Variants in MCC observed in about 807,000 individuals in gnomAD.
The protein encoded by MCC is MCC regulator of Wnt signaling pathway.
A neutral mutation model predicts 116.2 loss-of-function variants in MCC; 90 were observed. That is an observed-to-expected ratio of 0.77 (90% confidence interval 0.65 to 0.92). The LOEUF is 0.92. Ranked by LOEUF, MCC falls within the 40% of genes least tolerant of loss-of-function variation. MCC has a pLI of 0.00. For missense variants in MCC, 1,516 were observed against 1,312.2 expected (o/e 1.16, Z -2.40); for synonymous variants, 578 against 510.5 (o/e 1.13, Z -1.78).
intron 2 of MCC, among the ~76,000 whole-genome samples, chr5:113,374,934 G>A (rs1768943770): frequency 6.7e-6 from 1 of 148,588 alleles, no homozygotes; most frequent in African/African-American, 2.5e-5. Context: ...CAAGGCTGCA[G>A]TGAGCCGTGA....
chr5:113,268,958 C>CT (rs1765514682), intron 3 of MCC, among the ~76,000 whole-genome samples: 1 of 151,810 alleles, frequency 6.6e-6, no homozygotes, highest in Admixed American at 6.6e-5. Flanking sequence ...AAAAGCTAGG[C>CT]TTTTTTTTCT....
At chr5:113,293,343 C>T (rs187438008) in intron 3 of MCC, among the ~76,000 whole-genome samples, 399 of 152,254 alleles carry the variant, frequency 2.6e-3, no homozygotes, top group Non-Finnish European at 3.0e-3. Context: ...ACACTGTTTT[C>T]CTTTTCTTCC....
intron 1 of MCC, among the ~76,000 whole-genome samples, chr5:113,470,169 T>G (rs1772042514): frequency 6.6e-6 from 1 of 152,072 alleles, no homozygotes; most frequent in South Asian, 2.1e-4. Flanking sequence ...TTGGAGCATT[T>G]AGCCCATTTA....
intron 1 of MCC, among the ~76,000 whole-genome samples, chr5:113,432,334 A>G (rs1446700104): frequency 6.6e-6 from 1 of 151,402 alleles, no homozygotes; most frequent in African/African-American, 2.4e-5. Context: ...AAAAAAAAAA[A>G]AAAAAAAAAG....
At chr5:113,077,481 T>C (rs758807192) in intron 11 of MCC, among the ~76,000 whole-genome samples, 1 of 152,152 alleles carries the variant, frequency 6.6e-6, no homozygotes, top group Non-Finnish European at 1.5e-5. Flanking sequence ...GCAATCAAAC[T>C]AGAACTCAGG....
intron 1 of MCC, chr5:113,428,844 A>G (rs1357154485): frequency 1.3e-5 from 2 of 152,234 alleles, no homozygotes; most frequent in Admixed American, 6.5e-5. Context: ...CTCACAGTCC[A>G]AAAGACATTA....
chr5:113,122,803 A>G lies in MCC; in HGVS notation c.908T>C (p.Leu303Pro). Reference protein sequence around the residue: ...TIREEDEYSELRSELSQSQHE... With the variant: ...TIREEDEYSEPRSELSQSQHE... The stretch of plus-strand genomic sequence containing the variant: ...TTGGCTCTGGCTGAGTTCTGATCGC[A>G]GTTCTGAGTACTCATCTTCCTCCCT... The change falls in exon 6 of 19, where the codon CTG becomes CCG. Residue 303 changes from leucine to proline, a missense_variant. By Grantham distance (98) the Leu-to-Pro change is moderately conservative. Transcript: ENST00000408903. 11 of 1,614,210 alleles carry G rather than the reference A, an allele frequency of 6.8e-6. No individual in the cohort carries two copies. Among genetic ancestry groups the G allele is most frequent in the Non-Finnish European group, 8.5e-6 (10 of 1,180,026 alleles).
chr5:113,126,830 G>C (rs1758080150), intron 5 of MCC, among the ~76,000 whole-genome samples: 1 of 152,124 alleles, frequency 6.6e-6, no homozygotes, highest in South Asian at 2.1e-4. Context: ...ATTTTTAACT[G>C]CACAGTGTAG....
intron 18 of MCC, 115 bp from the exon 19 acceptor site, chr5:113,027,597 C>G: frequency 1.1e-6 from 1 of 943,262 alleles, no homozygotes; most frequent in Non-Finnish European, 1.6e-6. Flanking sequence ...AAAGATCACT[C>G]ATCCTCTTCG....
intron 3 of MCC, among the ~76,000 whole-genome samples, chr5:113,165,009 G>C (rs1329909254): frequency 6.6e-6 from 1 of 152,182 alleles, no homozygotes; most frequent in African/African-American, 2.4e-5. Context: ...CCTTGTTCCT[G>C]CAAGTAAGCC....
At chr5:113,118,432 A>T (rs1581099649) in intron 6 of MCC, among the ~76,000 whole-genome samples, 1 of 152,354 alleles carries the variant, frequency 6.6e-6, no homozygotes, top group Non-Finnish European at 1.5e-5. Flanking sequence ...AAGTCAAAGC[A>T]CTTTTTAATT....
At chr5:113,297,769 AAAAAAG>A (rs1318816481) in intron 3 of MCC, among the ~76,000 whole-genome samples, 1 of 151,126 alleles carries the variant, frequency 6.6e-6, no homozygotes, top group Admixed American at 6.6e-5. Context: ...AAAAAAAAAA[AAAAAAG>A]AAGGGACAAT....
intron 3 of MCC, among the ~76,000 whole-genome samples, chr5:113,152,764 T>C (rs374261496): frequency 1.3e-5 from 2 of 152,136 alleles, no homozygotes; most frequent in Non-Finnish European, 2.9e-5. Context: ...CTAATAGCAG[T>C]AAATGTGACT....
At chr5:113,138,327 T>A (rs1346843511) in intron 5 of MCC, among the ~76,000 whole-genome samples, 1 of 152,214 alleles carries the variant, frequency 6.6e-6, no homozygotes. Flanking sequence ...AAAATTCTTA[T>A]GTTGAAGCCT....
chr5:113,045,070 C>T (rs1751982461), intron 16 of MCC, among the ~76,000 whole-genome samples: 1 of 152,200 alleles, frequency 6.6e-6, no homozygotes, highest in Admixed American at 6.5e-5. Flanking sequence ...ATCCAAGTCC[C>T]CTGTCCACCC....
chr5:113,132,143 T>C (rs897860851), intron 5 of MCC, among the ~76,000 whole-genome samples: 2 of 151,748 alleles, frequency 1.3e-5, no homozygotes, highest in African/African-American at 4.8e-5. Flanking sequence ...TCTTTTGAGT[T>C]TTCTATTAAC....
chr5:113,348,407 G>C (rs1451734419), intron 2 of MCC, among the ~76,000 whole-genome samples: 2 of 152,120 alleles, frequency 1.3e-5, no homozygotes, highest in East Asian at 3.9e-4. Flanking sequence ...TCAATAACAA[G>C]AGGAATTTTG....
Position 113,361,312 on chromosome 5 carries a change from T to G in MCC, c.416-20582A>C, listed in dbSNP as rs562842188. Among the ~76,000 whole-genome samples, 15 of 152,258 alleles carry G rather than the reference T, an allele frequency of 9.9e-5. No homozygotes were observed. The South Asian group carries it at 2.9e-3, about 29-fold the overall frequency. ...TGTACCTCTATAGTGCTTTTCTATT[T>G]TATTAATTTTTGTTCTCATCTTTAT... On this transcript the variant is annotated intron_variant, in intron 2 of 18. Coordinates refer to ENST00000408903, the MANE Select transcript of MCC (RefSeq NM_001085377.2).
intron 2 of MCC, 105 bp downstream of exon 2, chr5:113,384,863 T>G: frequency 9.0e-5 from 118 of 1,307,770 alleles, no homozygotes; most frequent in Non-Finnish European, 1.2e-4. Context: ...AGCCTCAGTA[T>G]GAGCTGAGGC....
Sources: allele counts gnomAD v4.1 joint callset (sites outside exome capture counted in the v4.1 genomes callset), GRCh38; gene constraint gnomAD v4.1.1; transcripts MANE v1.5; gene names NCBI Gene and HGNC (gene_info 2026-07-23, HGNC 2026-07-21).